The following HSD17B12 variants were observed in gnomAD, a reference collection of about 807,000 sequenced individuals.
HSD17B12 encodes the protein hydroxysteroid 17-beta dehydrogenase 12, also known as very-long-chain 3-oxoacyl-CoA reductase.
Under a neutral mutation model 39.3 loss-of-function variants are expected in HSD17B12, and 32 were observed. The observed-to-expected ratio is 0.81, with a 90% CI of 0.61 to 1.09. HSD17B12 has a LOEUF of 1.09. Among genes scored for constraint, HSD17B12 ranks in the 50% least tolerant of loss-of-function variants. The pLI, the probability that HSD17B12 is intolerant of heterozygous loss-of-function variation, is 0.00. For missense variants in HSD17B12, 342 were observed against 382.9 expected, an observed-to-expected ratio of 0.89 and a Z score of 0.89; for synonymous variants, 150 against 146.7, an observed-to-expected ratio of 1.02 and a Z score of -0.16.
chr11:43,826,856 G>A (rs568214327), intron 6 of HSD17B12, among the ~76,000 whole-genome samples: 1 of 152,312 alleles, frequency 6.6e-6, no homozygotes, highest in East Asian at 1.9e-4. Context: ...ATTTTCAATG[G>A]AGTTACCATC....
rs1204082530 is a variant in HSD17B12 at position 43,855,488 on chromosome 11, A to G, written c.*240A>G. On this transcript the variant is annotated 3_prime_UTR_variant, in exon 11 of 11. Transcript: ENST00000278353. ...AATGCTCATATCAAATGAATATAGA[A>G]CTAATATTGTCGGGAACACCTAATA... 16 of 250,730 alleles carry G rather than the reference A, an allele frequency of 6.4e-5. No homozygotes were observed. The highest frequency in any genetic ancestry group is 7.5e-6 in the Non-Finnish European group (1 of 132,960). The allele number at this position is 250,730 out of a possible 1,614,324, so 15.5% of individuals were successfully genotyped here.
chr11:43,665,301 C>G, the HSD17B12 span, among the ~76,000 whole-genome samples: 3 of 152,168 alleles, frequency 2.0e-5, no homozygotes, highest in Non-Finnish European at 4.4e-5. Context: ...CCACTGCAAC[C>G]TCCATCTCCC....
At chr11:43,652,262 T>C in the HSD17B12 span, among the ~76,000 whole-genome samples, 1 of 152,152 alleles carries the variant, frequency 6.6e-6, no homozygotes, top group South Asian at 2.1e-4. Context: ...TGGAATTTGG[T>C]TAAAATAATC....
intron 3 of HSD17B12, among the ~76,000 whole-genome samples, chr11:43,766,197 G>A (rs987063869): frequency 3.9e-5 from 6 of 152,148 alleles, no homozygotes; most frequent in African/African-American, 1.4e-4. Flanking sequence ...TTATTTTAAT[G>A]TGTTTAGTGT....
intron 8 of HSD17B12, 130 bp from the exon 9 acceptor site, chr11:43,839,869 G>A (rs537704874): frequency 3.6e-5 from 28 of 771,624 alleles, no homozygotes; most frequent in African/African-American, 5.5e-5. Flanking sequence ...TCTCTTCTGC[G>A]TTTGAAATGA....
rs1565097484 is a variant in HSD17B12, at chr11:43,810,370, TATATATATATATATA to T, written c.392-5066_392-5052del. ...TTAAAGCAGTATAATTTAGAAATTA[TATATATATATATATA>T]TATATATATATATATATAAAATTCA... is the stretch of plus-strand genomic sequence containing the variant. On this transcript the variant is annotated intron_variant, in intron 4 of 10. Transcript: ENST00000278353. Among the ~76,000 whole-genome samples the T allele has an allele frequency of 1.9e-3, 196 of 104,820 alleles. 2 individuals carry two copies. Among genetic ancestry groups the T allele is most frequent in the African/African-American group, 6.3e-3 (140 of 22,150 alleles). 68.8% of individuals were successfully genotyped at this position (104,820 alleles called of 152,430 possible). A position where few individuals can be genotyped will look rare whatever the true frequency, so the allele number is the denominator to read the frequency against.
the HSD17B12 span, among the ~76,000 whole-genome samples, chr11:43,596,369 A>G: frequency 6.6e-6 from 1 of 151,542 alleles, no homozygotes; most frequent in Admixed American, 6.6e-5. Context: ...AAACAAACAG[A>G]AAAAAAAAGA....
intron 1 of HSD17B12, among the ~76,000 whole-genome samples, chr11:43,684,136 T>C (rs1333531389): frequency 6.6e-6 from 1 of 152,228 alleles, no homozygotes; most frequent in Non-Finnish European, 1.5e-5. Context: ...TTTCTCCTAG[T>C]TCTCACCAGT....
chr11:43,742,662 G>T (rs895558363), intron 1 of HSD17B12, among the ~76,000 whole-genome samples: 7 of 152,028 alleles, frequency 4.6e-5, no homozygotes, highest in African/African-American at 1.7e-4. Context: ...GTCTCCCATT[G>T]CCTGACCACT....
the HSD17B12 span, among the ~76,000 whole-genome samples, chr11:43,618,085 G>T: frequency 6.6e-6 from 1 of 152,084 alleles, no homozygotes; most frequent in Non-Finnish European, 1.5e-5. Context: ...AAAAAACTTG[G>T]TGTCTTTTTT....
intron 9 of HSD17B12, among the ~76,000 whole-genome samples, chr11:43,841,045 T>A (rs1374923692): frequency 6.6e-6 from 1 of 152,188 alleles, no homozygotes; most frequent in Non-Finnish European, 1.5e-5. Context: ...ATTTTCTATT[T>A]TGTTTGTTTT....
At chr11:43,669,532 C>G in the HSD17B12 span, among the ~76,000 whole-genome samples, 1 of 151,784 alleles carries the variant, frequency 6.6e-6, no homozygotes, top group Non-Finnish European at 1.5e-5. Context: ...AATTTATTCT[C>G]TCACAATTTT....
At chr11:43,592,844 G>T in the HSD17B12 span, among the ~76,000 whole-genome samples, 11 of 151,802 alleles carry the variant, frequency 7.2e-5, no homozygotes, top group Admixed American at 2.0e-4. Context: ...TCTTAAAGGG[G>T]GTCAGGATCC....
intron 3 of HSD17B12, among the ~76,000 whole-genome samples, chr11:43,757,837 C>T (rs1293338038): frequency 6.6e-6 from 1 of 151,808 alleles, no homozygotes; most frequent in Non-Finnish European, 1.5e-5. Flanking sequence ...TTTTGCGATT[C>T]GCAAGGTGAT....
the HSD17B12 span, among the ~76,000 whole-genome samples, chr11:43,659,035 C>T: frequency 1.3e-5 from 2 of 152,232 alleles, no homozygotes; most frequent in Admixed American, 1.3e-4. Flanking sequence ...CTGTGGTGGG[C>T]TCCACCCAGT....
Position 43,814,821 on chromosome 11 carries a change from T to C in HSD17B12, c.392-616T>C, listed in dbSNP as rs151070803. On this transcript the variant is annotated intron_variant, in intron 4 of 10. Coordinates refer to ENST00000278353, the MANE Select transcript of HSD17B12 (RefSeq NM_016142.3). ...TCTGTTCTGTCATGAAATAATTGTTTGTTTCTTTCTTTTCCTACTAGATTG... is the reference window on the plus strand; with the variant it reads ...TCTGTTCTGTCATGAAATAATTGTTCGTTTCTTTCTTTTCCTACTAGATTG... Among the ~76,000 whole-genome samples, 590 of 152,302 alleles carry C rather than the reference T, an allele frequency of 3.9e-3. 7 individuals carry two copies. Among genetic ancestry groups the C allele is most frequent in the African/African-American group, 0.014 (562 of 41,572 alleles).
chr11:43,574,161 G>C, the HSD17B12 span, among the ~76,000 whole-genome samples: 6 of 152,210 alleles, frequency 3.9e-5, no homozygotes, highest in Admixed American at 3.9e-4. Flanking sequence ...CAGGAATTGA[G>C]GGTAGTGGAT....
chr11:43,667,942 G>T, the HSD17B12 span, among the ~76,000 whole-genome samples: 1 of 152,148 alleles, frequency 6.6e-6, no homozygotes, highest in Non-Finnish European at 1.5e-5. Context: ...GGACCAGTAT[G>T]TGTAAAAAAA....
At chr11:43,580,996 CG>C in the HSD17B12 span, among the ~76,000 whole-genome samples, 1 of 151,908 alleles carries the variant, frequency 6.6e-6, no homozygotes, top group African/African-American at 2.4e-5. Context: ...AGAGGGGATT[CG>C]GGGGGAATCC....
Sources: gnomAD v4.1 joint callset for allele counts (sites outside exome capture counted in the v4.1 genomes callset) on GRCh38, gnomAD v4.1.1 for gene constraint, MANE v1.5 for transcripts, NCBI Gene and HGNC (gene_info 2026-07-23, HGNC 2026-07-21) for gene names.